The following SUMF1 variants were observed in gnomAD, a reference collection of about 807,000 sequenced individuals.
SUMF1 encodes sulfatase modifying factor 1.
In SUMF1, 48 loss-of-function variants were observed where a neutral mutation model predicts 47.6. That is an observed-to-expected ratio of 1.01 (90% CI 0.80 to 1.28). The LOEUF (loss-of-function observed/expected upper bound fraction) is 1.28. SUMF1 is among the 50% of genes most tolerant of loss of function. The pLI, the probability that SUMF1 is intolerant of heterozygous loss-of-function variation, is 0.00. For synonymous variants in SUMF1, 230 were observed against 192.1 expected, an observed-to-expected ratio of 1.20 and a Z score of -1.63; for missense variants, 571 against 485.4, an observed-to-expected ratio of 1.18 and a Z score of -1.66.
At chr3:4,453,740 G>A (rs1260823255) in intron 1 of SUMF1, among the ~76,000 whole-genome samples, 2 of 151,868 alleles carry the variant, frequency 1.3e-5, no homozygotes, top group African/African-American at 4.8e-5. Flanking sequence ...CACCAAGTTG[G>A]CCAGGCTGGT....
At chr3:4,460,929 AC>A (rs1348915253) in intron 1 of SUMF1, among the ~76,000 whole-genome samples, 2 of 151,992 alleles carry the variant, frequency 1.3e-5, no homozygotes, top group Non-Finnish European at 2.9e-5. Context: ...TGCTGGGCTT[AC>A]AGGCATGAGC....
At chr3:4,456,543 C>G (rs2079606361) in intron 1 of SUMF1, among the ~76,000 whole-genome samples, 5 of 147,948 alleles carry the variant, frequency 3.4e-5, no homozygotes, top group Non-Finnish European at 7.4e-5. Context: ...ACTCTGCCTC[C>G]TGGGCTCATG....
intron 8 of SUMF1, among the ~76,000 whole-genome samples, chr3:4,110,543 C>T (rs62578367): frequency 0.031 from 4,695 of 152,016 alleles, 269 homozygotes; most frequent in African/African-American, 0.11. Flanking sequence ...CACATGCACA[C>T]GTATGTTTAT....
At chr3:4,391,713 G>A (rs766550058) in intron 7 of SUMF1, among the ~76,000 whole-genome samples, 2 of 152,106 alleles carry the variant, frequency 1.3e-5, no homozygotes, top group Non-Finnish European at 2.9e-5. Flanking sequence ...GAACTCCTGG[G>A]CTCCAGTGAT....
intron 8 of SUMF1, among the ~76,000 whole-genome samples, chr3:4,196,622 A>G (rs1404022657): frequency 6.6e-6 from 1 of 152,092 alleles, no homozygotes; most frequent in Non-Finnish European, 1.5e-5. Flanking sequence ...ACCTTGGCTA[A>G]AGTACTATTC....
At chr3:4,228,868 T>C (rs753815862) in intron 8 of SUMF1, among the ~76,000 whole-genome samples, 2 of 152,110 alleles carry the variant, frequency 1.3e-5, no homozygotes, top group Non-Finnish European at 2.9e-5. Flanking sequence ...CCATCCTTTG[T>C]CTCATAAACC....
At chr3:4,251,948 T>A (rs1696811617) in intron 8 of SUMF1, among the ~76,000 whole-genome samples, 1 of 152,182 alleles carries the variant, frequency 6.6e-6, no homozygotes, top group Non-Finnish European at 1.5e-5. Context: ...AGTGTAAACA[T>A]AAATTCTATA....
chr3:4,440,445 GCATTTCTCATTACAACC>G (rs1702548766), intron 3 of SUMF1, among the ~76,000 whole-genome samples: 1 of 152,074 alleles, frequency 6.6e-6, no homozygotes, highest in Non-Finnish European at 1.5e-5. Context: ...GGACCTCAAG[GCATTTCTCATTACAACC>G]CACACACATT....
chr3:4,303,884 G>T, intron 8 of SUMF1: 1 of 1,271,836 alleles, frequency 7.9e-7, no homozygotes, highest in Non-Finnish European at 1.0e-6. Context: ...ATAAGCCGTG[G>T]GGCCTATTAA....
chr3:4,427,917 A>G (rs2125064153), intron 3 of SUMF1, among the ~76,000 whole-genome samples: 1 of 151,998 alleles, frequency 6.6e-6, no homozygotes, highest in East Asian at 1.9e-4. Flanking sequence ...AGATCTGCAT[A>G]ATTATCAGGG....
chr3:4,197,702 A>G (rs1027646911), intron 8 of SUMF1, among the ~76,000 whole-genome samples: 1 of 151,960 alleles, frequency 6.6e-6, no homozygotes, highest in Admixed American at 6.5e-5. Flanking sequence ...CCTATAAAAG[A>G]TACTCTATTG....
intron 8 of SUMF1, among the ~76,000 whole-genome samples, chr3:4,264,556 C>A (rs559018148): frequency 1.1e-4 from 16 of 152,152 alleles, no homozygotes; most frequent in African/African-American, 3.9e-4. Context: ...TTTATTTTTC[C>A]ATAGATATGA....
rs756118132 is a variant in SUMF1, at chr3:4,467,204, A to G, written c.42T>C (p.Pro14=). Residue 14 remains proline, a synonymous_variant, in exon 1 of 9, where the codon CCT becomes CCC. Transcript: ENST00000272902. ...PALGLVCGRC[P]ELGLVLLLLL... ...GCAGCAAGAGGACGAGACCCAGCTC[A>G]GGGCAACGTCCACACACCAGCCCTA... The G allele has an allele frequency of 6.2e-7, 1 of 1,611,640 alleles. No homozygotes were observed. The highest frequency in any genetic ancestry group is 8.5e-7 in the Non-Finnish European group (1 of 1,179,330).
chr3:4,248,893 C>G (rs1280561594), intron 8 of SUMF1, among the ~76,000 whole-genome samples: 1 of 152,232 alleles, frequency 6.6e-6, no homozygotes, highest in East Asian at 1.9e-4. Flanking sequence ...GGCCTGCAGA[C>G]TTGCTGAGAG....
chr3:4,450,057 C>T (rs914264671), intron 2 of SUMF1, among the ~76,000 whole-genome samples: 12 of 152,156 alleles, frequency 7.9e-5, no homozygotes, highest in South Asian at 4.1e-4. Flanking sequence ...CTCTGCAATT[C>T]TACTACACCA....
intron 4 of SUMF1, 96 bp from the exon 5 acceptor site, chr3:4,418,228 A>G (rs1470525642): frequency 1.3e-6 from 2 of 1,554,846 alleles, no homozygotes; most frequent in African/African-American, 2.7e-5. Flanking sequence ...CCTCAGTTCA[A>G]TCTGTGACAC....
chr3:4,256,642 AG>A (rs1696960259), intron 8 of SUMF1, among the ~76,000 whole-genome samples: 1 of 151,740 alleles, frequency 6.6e-6, no homozygotes, highest in Non-Finnish European at 1.5e-5. Flanking sequence ...CCAACCAAAT[AG>A]AGTCCAGGAC....
intron 7 of SUMF1, among the ~76,000 whole-genome samples, chr3:4,390,075 T>A (rs1214707762): frequency 6.6e-6 from 1 of 152,302 alleles, no homozygotes; most frequent in East Asian, 1.9e-4. Flanking sequence ...AGACTCTGGA[T>A]CTTATTAACA....
intron 8 of SUMF1, among the ~76,000 whole-genome samples, chr3:4,338,164 G>C (rs548024079): frequency 6.6e-6 from 1 of 152,110 alleles, no homozygotes; most frequent in Non-Finnish European, 1.5e-5. Flanking sequence ...ACTCAGGAAG[G>C]TGAAGCAGGC....
Sources: allele counts gnomAD v4.1 joint callset (sites outside exome capture counted in the v4.1 genomes callset), GRCh38; gene constraint gnomAD v4.1.1; transcripts MANE v1.5; gene names NCBI Gene and HGNC (gene_info 2026-07-23, HGNC 2026-07-21).